TIAM1: variants seen among roughly 807,000 people sequenced by gnomAD.
The protein encoded by TIAM1 is rho guanine nucleotide exchange factor TIAM1.
In TIAM1, 65 loss-of-function variants were observed where a neutral mutation model predicts 163.5. The observed-to-expected ratio is 0.40, with a 90% CI of 0.33 to 0.49. The LOEUF (loss-of-function observed/expected upper bound fraction) is 0.49. Ranked by LOEUF, TIAM1 falls within the 20% of genes least tolerant of loss-of-function variation. TIAM1 has a pLI of 0.77. For synonymous variants in TIAM1, 833 were observed against 810.1 expected (o/e 1.03, Z -0.48); for missense variants, 1,789 against 2,044.7 (o/e 0.87, Z 2.41).
At chr21:31,311,447 T>C (rs1230729130) in intron 2 of TIAM1, among the ~76,000 whole-genome samples, 1 of 152,102 alleles carries the variant, frequency 6.6e-6, no homozygotes, top group Non-Finnish European at 1.5e-5. Flanking sequence ...GAATGGAAGG[T>C]GATTTATCAT....
chr21:31,463,812 C>CAA (rs35597903), intron 2 of TIAM1, among the ~76,000 whole-genome samples: 150 of 130,620 alleles, frequency 1.1e-3, no homozygotes, highest in East Asian at 3.6e-3. Context: ...GCTCCGTCTC[C>CAA]AAAAAAAAAA....
intron 2 of TIAM1, among the ~76,000 whole-genome samples, chr21:31,329,847 A>C (rs701725): frequency 0.4 from 60,560 of 151,978 alleles, 13,339 homozygotes; most frequent in African/African-American, 0.57. Context: ...TGTCTCCTCA[A>C]TTTGGTTTGA....
At chr21:31,379,049 G>A (rs2076735299) in intron 2 of TIAM1, among the ~76,000 whole-genome samples, 1 of 152,244 alleles carries the variant, frequency 6.6e-6, no homozygotes, top group Non-Finnish European at 1.5e-5. Flanking sequence ...TCGGCTCACT[G>A]CAACCTCCAT....
intron 18 of TIAM1, 101 bp from the exon 19 acceptor site, chr21:31,152,862 A>C (rs2083445603): frequency 6.7e-7 from 1 of 1,487,714 alleles, no homozygotes; most frequent in Non-Finnish European, 9.0e-7. Flanking sequence ...CTTATCAATT[A>C]AGAGAATAAT....
At chr21:31,333,480 C>T (rs944607452) in intron 2 of TIAM1, among the ~76,000 whole-genome samples, 1 of 152,178 alleles carries the variant, frequency 6.6e-6, no homozygotes, top group African/African-American at 2.4e-5. Flanking sequence ...CTCCGTCTCC[C>T]AGGCCGGAGT....
At chr21:31,520,129 G>A (rs567698962) in intron 1 of TIAM1, among the ~76,000 whole-genome samples, 87 of 152,254 alleles carry the variant, frequency 5.7e-4, no homozygotes, top group African/African-American at 1.9e-3. Flanking sequence ...TCGGGAGTTC[G>A]AGACCAGCCT....
chr21:31,437,809 T>A (rs1350205090), intron 2 of TIAM1, among the ~76,000 whole-genome samples: 1 of 152,202 alleles, frequency 6.6e-6, no homozygotes, highest in East Asian at 1.9e-4. Context: ...CAGCCATGCT[T>A]CCAGTATAGC....
intron 2 of TIAM1, among the ~76,000 whole-genome samples, chr21:31,299,021 T>C (rs939192417): frequency 4.6e-5 from 7 of 152,098 alleles, no homozygotes; most frequent in African/African-American, 1.7e-4. Context: ...ATACTTAGAT[T>C]TGGAGTTTAA....
intron 1 of TIAM1, among the ~76,000 whole-genome samples, chr21:31,502,439 G>A (rs1481574374): frequency 1.3e-5 from 2 of 151,996 alleles, no homozygotes; most frequent in East Asian, 3.9e-4. Context: ...CACCCAGCCT[G>A]GAAGCAATTT....
chr21:31,347,292 T>C (rs970293282), upstream of TIAM1, among the ~76,000 whole-genome samples: 1 of 151,952 alleles, frequency 6.6e-6, no homozygotes, highest in Non-Finnish European at 1.5e-5. Context: ...TACAGCAATA[T>C]CAGAACTGGA....
At chr21:31,419,009 T>C (rs1239877897) in intron 2 of TIAM1, among the ~76,000 whole-genome samples, 2 of 152,072 alleles carry the variant, frequency 1.3e-5, no homozygotes, top group East Asian at 1.9e-4. Flanking sequence ...GCACCTCCCA[T>C]GGTCTCCACG....
chr21:31,436,285 T>C (rs374600209), intron 2 of TIAM1, among the ~76,000 whole-genome samples: 174 of 152,294 alleles, frequency 1.1e-3, no homozygotes, highest in African/African-American at 3.6e-3. Flanking sequence ...CTCTGGCACA[T>C]GGCAGCCACT....
At chr21:31,218,601 T>C (rs1233660154) in intron 8 of TIAM1, among the ~76,000 whole-genome samples, 1 of 151,710 alleles carries the variant, frequency 6.6e-6, no homozygotes, top group Non-Finnish European at 1.5e-5. Flanking sequence ...GAATCTCATA[T>C]GTAAGTGAGC....
intron 4 of TIAM1, among the ~76,000 whole-genome samples, chr21:31,264,003 C>A (rs1034174059): frequency 6.6e-6 from 1 of 152,180 alleles, no homozygotes; most frequent in Non-Finnish European, 1.5e-5. Flanking sequence ...TGTGTCATTA[C>A]AATCTCAATT....
chr21:31,203,632 A>ACAACAC (rs1344979954), intron 11 of TIAM1, among the ~76,000 whole-genome samples: 2 of 152,076 alleles, frequency 1.3e-5, no homozygotes, highest in African/African-American at 4.8e-5. Context: ...AATTTTCAAC[A>ACAACAC]CAACACAGCA....
intron 2 of TIAM1, among the ~76,000 whole-genome samples, chr21:31,394,724 TCTCTCACACACACACACACACACA>T (rs2077029138): frequency 2.3e-5 from 3 of 128,918 alleles, no homozygotes; most frequent in Middle Eastern, 3.7e-3. Flanking sequence ...TCTCTCTCTC[TCTCTCACACACACACACACACACA>T]CACACACACA....
chr21:31,474,519 CACA>C (rs985786057), intron 1 of TIAM1, among the ~76,000 whole-genome samples: 3 of 149,902 alleles, frequency 2.0e-5, no homozygotes, highest in African/African-American at 7.4e-5. Flanking sequence ...GTGGCAGACA[CACA>C]ACAAGCACTC....
intron 1 of TIAM1, among the ~76,000 whole-genome samples, chr21:31,498,995 A>AGGGGG (rs2046760407): frequency 2.1e-5 from 1 of 47,590 alleles, no homozygotes; most frequent in African/African-American, 9.1e-5. Flanking sequence ...AAGGGAGGGG[A>AGGGGG]GGGGAGGGGA....
At chr21:31,325,301 A>T (rs62221224) in intron 2 of TIAM1, among the ~76,000 whole-genome samples, 1 of 145,790 alleles carries the variant, frequency 6.9e-6, no homozygotes, top group Non-Finnish European at 1.5e-5. Flanking sequence ...AAAAAAAAAA[A>T]TTAGTTTTTA....
Sources: gnomAD v4.1 joint callset for allele counts (sites outside exome capture counted in the v4.1 genomes callset) on GRCh38, gnomAD v4.1.1 for gene constraint, MANE v1.5 for transcripts, NCBI Gene and HGNC (gene_info 2026-07-23, HGNC 2026-07-21) for gene names.